The following ABTB2 variants were observed in gnomAD, a reference collection of about 807,000 sequenced individuals.
ABTB2 encodes ankyrin repeat and BTB domain containing 2.
A neutral mutation model predicts 104.1 loss-of-function variants in ABTB2; 56 were observed. The observed-to-expected ratio is 0.54, with a 90% CI of 0.43 to 0.67. The LOEUF (loss-of-function observed/expected upper bound fraction) is 0.67, where lower values mean the gene tolerates loss of function less well. Among genes scored for constraint, ABTB2 ranks in the 30% least tolerant of loss-of-function variants. The pLI, the probability that ABTB2 is intolerant of heterozygous loss-of-function variation, is 0.00. For synonymous variants in ABTB2, 606 were observed against 608.2 expected, an observed-to-expected ratio of 1.00 and a Z score of 0.05; for missense variants, 1,279 against 1,407.7, an observed-to-expected ratio of 0.91 and a Z score of 1.46.
Position 34,271,734 on chromosome 11 carries a change from AATACATACATAC to A in ABTB2, c.884-67056_884-67045del, listed in dbSNP as rs11268199. 4.2e-3 allele frequency among the ~76,000 whole-genome samples: 637 copies of A among 149,928 alleles called. 2 individuals are homozygous for A. Among genetic ancestry groups the A allele is most frequent in the African/African-American group, 7.1e-3 (288 of 40,432 alleles). On this transcript the variant is annotated intron_variant, in intron 1 of 16. Transcript: ENST00000435224. ...GGCGACAGAGTGAGACCCTATCTCAAATACATACATACATACATACATACATACATACATACA... is the reference window on the plus strand; with the variant it reads ...GGCGACAGAGTGAGACCCTATCTCAAATACATACATACATACATACATACA...
intron 3 of ABTB2, among the ~76,000 whole-genome samples, chr11:34,185,057 T>C (rs1853080019): frequency 6.6e-6 from 1 of 152,208 alleles, no homozygotes; most frequent in African/African-American, 2.4e-5. Flanking sequence ...GGGGGACTTT[T>C]GTTTAGGCTC....
intron 1 of ABTB2, among the ~76,000 whole-genome samples, chr11:34,290,434 T>C (rs1854554503): frequency 6.6e-6 from 1 of 152,250 alleles, no homozygotes; most frequent in South Asian, 2.1e-4. Context: ...AATGTGTGGT[T>C]CTTCTCTGTA....
intron 1 of ABTB2, among the ~76,000 whole-genome samples, chr11:34,305,351 T>A (rs1854758586): frequency 6.6e-6 from 1 of 152,218 alleles, no homozygotes; most frequent in African/African-American, 2.4e-5. Context: ...TTCGCTCTGA[T>A]ACCTGGCACA....
At chr11:34,288,933 T>C (rs564112256) in intron 1 of ABTB2, among the ~76,000 whole-genome samples, 16 of 152,326 alleles carry the variant, frequency 1.1e-4, no homozygotes, top group African/African-American at 3.6e-4. Context: ...TCCCAATCCC[T>C]ACCTCTGCCT....
intron 1 of ABTB2, among the ~76,000 whole-genome samples, chr11:34,229,397 C>T (rs1194557473): frequency 4.7e-5 from 7 of 148,588 alleles, no homozygotes; most frequent in South Asian, 2.2e-4. Context: ...AGGAGAATGG[C>T]GTGAACCCGG....
chr11:34,197,174 G>A lies in ABTB2; in HGVS notation c.1244+151C>T, dbSNP rs769619044. 221 of 862,732 alleles carry A rather than the reference G, an allele frequency of 2.6e-4. 1 individual carries two copies. Among genetic ancestry groups the A allele is most frequent in the South Asian group, 8.5e-4 (59 of 69,188 alleles). The allele number at this position is 862,732 out of a possible 1,614,324, so 53.4% of individuals were successfully genotyped here. On this transcript the variant is annotated intron_variant, in intron 3 of 16. Coordinates refer to ENST00000435224, the MANE Select transcript of ABTB2 (RefSeq NM_145804.3). ...ACACCAGTGCAGGCCTTCATCCATC[G>A]GAATTCCTGGGCCACCTCCTCACAG...
chr11:34,172,727 A>G (rs1002931714), intron 4 of ABTB2, among the ~76,000 whole-genome samples: 2 of 152,118 alleles, frequency 1.3e-5, no homozygotes, highest in Non-Finnish European at 1.5e-5. Context: ...TCTTCCCTGC[A>G]CTTGTCATGA....
intron 3 of ABTB2, among the ~76,000 whole-genome samples, chr11:34,180,450 A>C (rs1251903116): frequency 6.6e-6 from 1 of 152,230 alleles, no homozygotes; most frequent in Non-Finnish European, 1.5e-5. Flanking sequence ...CAAATGCTGC[A>C]AACAGCCCAA....
rs1414819836 is a variant in ABTB2 at position 34,162,610 on chromosome 11, G to T, written c.2184C>A (p.Gly728=). Residue 728 remains glycine (G), a synonymous_variant, in exon 10 of 17, where the codon GGC becomes GGA. Transcript: ENST00000435224. ...QEAMYYSAEH[G]YVDITMELRA... is the part of the protein sequence containing the mutation. ...TCAGCTCCATGGTGATGTCCACGTA[G>T]CCGTGCTCAGCGCTGTAGTACATGG... 6.2e-7 allele frequency: 1 copy of T among 1,613,698 alleles called. No homozygotes were observed. The highest frequency in any genetic ancestry group is 1.7e-5 in the Admixed American group (1 of 60,028).
chr11:34,173,119 T>A (rs1193231438), intron 4 of ABTB2, 36 bp downstream of exon 4: 1 of 1,612,632 alleles, frequency 6.2e-7, no homozygotes, highest in Admixed American at 1.7e-5. Context: ...GGGCAGGTCA[T>A]GGATGCCGGG....
At chr11:34,181,908 C>A (rs1290418978) in intron 3 of ABTB2, among the ~76,000 whole-genome samples, 1 of 152,246 alleles carries the variant, frequency 6.6e-6, no homozygotes, top group Non-Finnish European at 1.5e-5. Context: ...CAGTGGGAGT[C>A]AGAGCCAAGC....
At chr11:34,278,703 A>G (rs1854414255) in intron 1 of ABTB2, among the ~76,000 whole-genome samples, 1 of 152,186 alleles carries the variant, frequency 6.6e-6, no homozygotes, top group Admixed American at 6.5e-5. Flanking sequence ...CTTGTCAATA[A>G]CACTGCTTAC....
intron 1 of ABTB2, among the ~76,000 whole-genome samples, chr11:34,242,977 G>C (rs1554985735): frequency 6.6e-6 from 1 of 152,084 alleles, no homozygotes; most frequent in Non-Finnish European, 1.5e-5. Context: ...GAGGAAGCTG[G>C]GTGTCTCTTG....
chr11:34,292,695 A>C lies in ABTB2; in HGVS notation c.883+64006T>G, dbSNP rs542430997. Among the ~76,000 whole-genome samples the C allele has an allele frequency of 4.6e-5, 7 of 152,310 alleles. No homozygotes were observed. The South Asian group carries it at 1.4e-3, about 32-fold the overall frequency. Reference sequence around the variant, plus strand: ...GATAGGAAGAAAAGTCAAGCCAGGAAAGCGAACGGAGAGGGACAGGGGAGT... The same window carrying C: ...GATAGGAAGAAAAGTCAAGCCAGGACAGCGAACGGAGAGGGACAGGGGAGT... On this transcript the variant is annotated intron_variant, in intron 1 of 16. Coordinates refer to ENST00000435224, the MANE Select transcript of ABTB2 (RefSeq NM_145804.3).
At chr11:34,198,059 TTCCC>T (rs1853284895) in intron 2 of ABTB2, among the ~76,000 whole-genome samples, 1 of 152,208 alleles carries the variant, frequency 6.6e-6, no homozygotes, top group African/African-American at 2.4e-5. Flanking sequence ...AAGTATGCAA[TTCCC>T]CAGAAATATG....
intron 1 of ABTB2, among the ~76,000 whole-genome samples, chr11:34,339,749 A>G (rs770813033): frequency 7.9e-5 from 12 of 152,116 alleles, no homozygotes; most frequent in African/African-American, 1.7e-4. Context: ...GATTCCCTAC[A>G]TATGATTCCA....
chr11:34,297,773 A>T (rs1390514400), intron 1 of ABTB2, among the ~76,000 whole-genome samples: 1 of 72,220 alleles, frequency 1.4e-5, no homozygotes, highest in African/African-American at 1.1e-4. Flanking sequence ...TCTCAAAAAA[A>T]AAAAAAAAAA....
At chr11:34,169,305 C>T (rs1317927115) in intron 5 of ABTB2, among the ~76,000 whole-genome samples, 3 of 152,124 alleles carry the variant, frequency 2.0e-5, no homozygotes, top group African/African-American at 7.2e-5. Flanking sequence ...CAGGCCGGCT[C>T]GCAGATATCA....
At chr11:34,236,920 T>G (rs1853851826) in intron 1 of ABTB2, among the ~76,000 whole-genome samples, 1 of 152,190 alleles carries the variant, frequency 6.6e-6, no homozygotes, top group South Asian at 2.1e-4. Context: ...GGGGAAATAA[T>G]TCTCTCCTTG....
Sources: gnomAD v4.1 joint callset for allele counts (sites outside exome capture counted in the v4.1 genomes callset) on GRCh38, gnomAD v4.1.1 for gene constraint, MANE v1.5 for transcripts, NCBI Gene and HGNC (gene_info 2026-07-23, HGNC 2026-07-21) for gene names.